Variants in EFCAB5 observed in about 807,000 individuals in gnomAD.
The protein encoded by EFCAB5 is EF-hand calcium-binding domain-containing protein 5.
In EFCAB5, 131 loss-of-function variants were observed where a neutral mutation model predicts 167.9. The observed-to-expected ratio is 0.78, with a 90% CI of 0.68 to 0.90. The LOEUF (loss-of-function observed/expected upper bound fraction) is 0.90. Among genes scored for constraint, EFCAB5 ranks in the 40% least tolerant of loss-of-function variants. EFCAB5 has a pLI of 0.00. For synonymous variants in EFCAB5, 574 were observed against 602.8 expected (o/e 0.95, Z 0.70); for missense variants, 1,663 against 1,745.2 (o/e 0.95, Z 0.84).
chr17:30,011,162 A>G (rs1213932777), intron 7 of EFCAB5, among the ~76,000 whole-genome samples: 2 of 152,122 alleles, frequency 1.3e-5, no homozygotes, highest in Non-Finnish European at 2.9e-5. Context: ...CCATTGGTCT[A>G]TATATCTGTT....
At position 30,008,610 on chromosome 17, in the gene EFCAB5, T is replaced by C. The variant is rs570614958; in HGVS notation, c.1044+8634T>C. On this transcript the variant is annotated intron_variant, in intron 7 of 22. Coordinates refer to ENST00000394835, the MANE Select transcript of EFCAB5 (RefSeq NM_198529.4). ...ATCTCAAAAAAAAAAAATTTTTTTA[T>C]ATTTTAAAATTTAAAATTAATGAAG... Among the ~76,000 whole-genome samples, 234 of 152,112 alleles carry C rather than the reference T, an allele frequency of 1.5e-3. 10 individuals are homozygous for C. In the South Asian group the frequency reaches 0.045, roughly 30 times the overall value.
chr17:30,098,135 T>A (rs1336370636), intron 22 of EFCAB5, among the ~76,000 whole-genome samples: 1 of 151,940 alleles, frequency 6.6e-6, no homozygotes, highest in Non-Finnish European at 1.5e-5. Context: ...GGGGTCTCAC[T>A]ATATTACCAG....
chr17:29,946,851 A>G (rs1412724475), intron 3 of EFCAB5, among the ~76,000 whole-genome samples: 3 of 152,198 alleles, frequency 2.0e-5, no homozygotes, highest in South Asian at 2.1e-4. Flanking sequence ...AGACACCTGC[A>G]TATGTATGTT....
chr17:30,070,328 T>G (rs2070699256), intron 14 of EFCAB5, among the ~76,000 whole-genome samples: 1 of 152,050 alleles, frequency 6.6e-6, no homozygotes, highest in Non-Finnish European at 1.5e-5. Flanking sequence ...GCATTTTTCA[T>G]AGAAATAAAA....
chr17:30,048,680 G>A (rs973305484), intron 8 of EFCAB5, among the ~76,000 whole-genome samples: 1 of 151,952 alleles, frequency 6.6e-6, no homozygotes, highest in Non-Finnish European at 1.5e-5. Context: ...TAGAGATGGG[G>A]TTTCACTGTG....
intron 22 of EFCAB5, among the ~76,000 whole-genome samples, 154 bp downstream of exon 22, chr17:30,093,090 T>G (rs1423766363): frequency 3.9e-5 from 6 of 152,232 alleles, no homozygotes; most frequent in Non-Finnish European, 8.8e-5. Flanking sequence ...TGTAATCTAT[T>G]GCATCATTCC....
intron 14 of EFCAB5, among the ~76,000 whole-genome samples, chr17:30,062,245 T>C (rs567981661): frequency 7.4e-4 from 112 of 152,144 alleles, no homozygotes; most frequent in African/African-American, 2.6e-3. Flanking sequence ...GAAAAATAAC[T>C]GAGGGAGAGT....
At chr17:29,945,505 A>G (rs2067379751) in intron 3 of EFCAB5, among the ~76,000 whole-genome samples, 1 of 152,082 alleles carries the variant, frequency 6.6e-6, no homozygotes, top group South Asian at 2.1e-4. Flanking sequence ...TGAGGTCAGG[A>G]GTTCGAGACC....
intron 14 of EFCAB5, among the ~76,000 whole-genome samples, chr17:30,064,530 A>C (rs530072854): frequency 1.3e-5 from 2 of 152,332 alleles, no homozygotes; most frequent in South Asian, 4.1e-4. Context: ...TATCACTATT[A>C]AGTGAACAAA....
chr17:30,041,309 A>G (rs1470067864), intron 8 of EFCAB5, among the ~76,000 whole-genome samples: 3 of 152,204 alleles, frequency 2.0e-5, no homozygotes, highest in Non-Finnish European at 4.4e-5. Flanking sequence ...CATTAACAGG[A>G]GTTTGAGAGA....
chr17:29,964,364 G>A (rs1485757265), intron 3 of EFCAB5, among the ~76,000 whole-genome samples: 4 of 151,248 alleles, frequency 2.6e-5, no homozygotes, highest in South Asian at 2.1e-4. Context: ...GTGTGATCTC[G>A]GCTCACTGTA....
chr17:30,054,013 C>A lies in EFCAB5; in HGVS notation c.2059C>A (p.Pro687Thr), dbSNP rs1488984690. 1.2e-5 allele frequency: 19 copies of A among 1,609,822 alleles called. No homozygotes were observed. Among genetic ancestry groups the A allele is most frequent in the Non-Finnish European group, 1.6e-5 (19 of 1,177,574 alleles). The change falls in exon 10 of 23, where the codon CCT becomes ACT. Residue 687 changes from proline to threonine, a missense_variant. Coordinates refer to ENST00000394835, the MANE Select transcript of EFCAB5 (RefSeq NM_198529.4). ...CTTAAAAAGTACAAAATATGGGGAA[C>A]CTATAACCTCTGAGTACATTGAAGT... ...SILKSTKYGE[P>T]ITSEYIEVPL...
At chr17:30,073,853 G>C (rs944866849) in intron 14 of EFCAB5, 1 of 416,418 alleles carries the variant, frequency 2.4e-6, no homozygotes, top group African/African-American at 2.0e-5. Flanking sequence ...TTGAGCCCAG[G>C]AGTTCAAGAT....
Position 30,095,094 on chromosome 17 carries a change from C to T in EFCAB5, c.4321+2158C>T, listed in dbSNP as rs547213930. On this transcript the variant is annotated intron_variant, in intron 22 of 22. Transcript: ENST00000394835. Reference sequence around the variant, plus strand: ...GATGCCCCATAACTGCTGCATGTCTCCCTCCCAGGAATTTTAGACAGATGT... The same window carrying T: ...GATGCCCCATAACTGCTGCATGTCTTCCTCCCAGGAATTTTAGACAGATGT... Among the ~76,000 whole-genome samples, 9 of 152,288 alleles carry T rather than the reference C, an allele frequency of 5.9e-5. 1 individual carries two copies. In the South Asian group the frequency reaches 1.9e-3, roughly 32 times the overall value.
chr17:29,996,204 A>T, intron 5 of EFCAB5, 108 bp from the exon 6 acceptor site: 1 of 878,220 alleles, frequency 1.1e-6, no homozygotes, highest in Admixed American at 2.5e-5. Flanking sequence ...AGATCACCCA[A>T]TACTAAAACA....
chr17:29,991,082 G>A (rs2068406607), intron 4 of EFCAB5, among the ~76,000 whole-genome samples: 1 of 152,164 alleles, frequency 6.6e-6, no homozygotes, highest in African/African-American at 2.4e-5. Context: ...AAGGTGGAAT[G>A]AACCAGGGCC....
At chr17:30,048,729 C>T (rs2069999509) in intron 8 of EFCAB5, among the ~76,000 whole-genome samples, 1 of 152,126 alleles carries the variant, frequency 6.6e-6, no homozygotes, top group African/African-American at 2.4e-5. Context: ...CTCAGGTGAT[C>T]CGCCTACCCC....
intron 18 of EFCAB5, among the ~76,000 whole-genome samples, 170 bp from the exon 19 acceptor site, chr17:30,086,893 G>A (rs1321800075): frequency 1.0e-4 from 15 of 147,624 alleles, no homozygotes; most frequent in Non-Finnish European, 1.8e-4. Flanking sequence ...ACTCCATCTC[G>A]AAAAAAAAAA....
chr17:30,028,164 G>A (rs966370360), intron 7 of EFCAB5, among the ~76,000 whole-genome samples: 1 of 152,146 alleles, frequency 6.6e-6, no homozygotes, highest in African/African-American at 2.4e-5. Context: ...CTCTGAGATG[G>A]TCACTTCCTT....
Sources: gnomAD v4.1 joint callset for allele counts (sites outside exome capture counted in the v4.1 genomes callset) on GRCh38, gnomAD v4.1.1 for gene constraint, MANE v1.5 for transcripts, NCBI Gene and HGNC (gene_info 2026-07-23, HGNC 2026-07-21) for gene names.